RARB: variants seen among roughly 807,000 people sequenced by gnomAD.
The protein encoded by RARB is HBV-activated protein.
A neutral mutation model predicts 51.9 loss-of-function variants in RARB; 17 were observed. The ratio of observed to expected loss-of-function variants is 0.33; its 90% CI spans 0.22 to 0.49. The LOEUF is 0.49. Ranked by LOEUF, RARB falls within the 20% of genes least tolerant of loss-of-function variation. RARB has a pLI of 0.99. For missense variants in RARB, 369 were observed against 550.8 expected (o/e 0.67, Z 3.30); for synonymous variants, 215 against 195.4 (o/e 1.10, Z -0.84).
chr3:25,173,703 C>A (rs1270863542), intron 4 of RARB, among the ~76,000 whole-genome samples: 1 of 152,188 alleles, frequency 6.6e-6, no homozygotes, highest in Non-Finnish European at 1.5e-5. Context: ...CAGGGTCTAT[C>A]CCTTGTCAGG....
chr3:25,556,735 G>A (rs553458226), intron 3 of RARB, among the ~76,000 whole-genome samples: 2 of 152,266 alleles, frequency 1.3e-5, no homozygotes, highest in South Asian at 4.1e-4. Context: ...ACTTAGCACA[G>A]CCAGCACCCC....
At chr3:25,561,370 C>T (rs1700262262) in intron 3 of RARB, among the ~76,000 whole-genome samples, 1 of 152,180 alleles carries the variant, frequency 6.6e-6, no homozygotes. Context: ...ACTCTTTACA[C>T]AGACTGTATT....
In RARB at chr3:24,997,033, CGTCGAATATTGAGA is replaced by C. The variant is rs552877835; in HGVS notation, c.-379-63089_-379-63076del. On this transcript the variant is annotated intron_variant, in intron 2 of 11. Transcript: ENST00000383772. The stretch of plus-strand genomic sequence containing the variant: ...TTGTTGTTTTTCTATCTACACGATC[CGTCGAATATTGAGA>C]GTGGGATATTGAGTTCTCCAGCTAT... Among the ~76,000 whole-genome samples the C allele has an allele frequency of 3.3e-3, 503 of 152,058 alleles. 4 individuals are homozygous for C. Among genetic ancestry groups the C allele is most frequent in the African/African-American group, 0.011 (469 of 41,460 alleles).
chr3:25,302,696 C>A (rs1704069752), intron 5 of RARB, among the ~76,000 whole-genome samples: 2 of 152,124 alleles, frequency 1.3e-5, no homozygotes, highest in Non-Finnish European at 2.9e-5. Flanking sequence ...ATTTGCCCAC[C>A]TTTGTGAATA....
At chr3:25,399,809 G>A (rs1707215983) in intron 5 of RARB, among the ~76,000 whole-genome samples, 1 of 152,188 alleles carries the variant, frequency 6.6e-6, no homozygotes, top group Non-Finnish European at 1.5e-5. Context: ...GGCAGAGACT[G>A]TTGCATATAA....
At chr3:25,382,789 C>T (rs1223494125) in intron 5 of RARB, among the ~76,000 whole-genome samples, 2 of 152,098 alleles carry the variant, frequency 1.3e-5, no homozygotes, top group Non-Finnish European at 2.9e-5. Context: ...ACCCTGGAGG[C>T]AGAGGTTGCA....
chr3:25,262,510 T>C (rs1703025365), intron 5 of RARB, among the ~76,000 whole-genome samples: 1 of 152,210 alleles, frequency 6.6e-6, no homozygotes, highest in Admixed American at 6.5e-5. Context: ...CTGTTGACTT[T>C]GGACATGATC....
chr3:25,489,320 G>C (rs1468033705), intron 2 of RARB, among the ~76,000 whole-genome samples: 1 of 152,078 alleles, frequency 6.6e-6, no homozygotes, highest in Admixed American at 6.6e-5. Context: ...TTGCTAATTT[G>C]GAATAAATCA....
chr3:25,093,214 A>C (rs993397428), intron 3 of RARB, among the ~76,000 whole-genome samples: 1 of 152,200 alleles, frequency 6.6e-6, no homozygotes, highest in Non-Finnish European at 1.5e-5. Context: ...CCAGCATTAT[A>C]TAAAGCTGTC....
In RARB at chr3:24,949,685, A is replaced by C. The variant is rs1171700957; in HGVS notation, c.-380+90933A>C. On this transcript the variant is annotated intron_variant, in intron 2 of 11. Coordinates refer to the RARB transcript ENST00000383772. Reference sequence around the variant, plus strand: ...TCTTGAATCCTTCAATTCTATCTAAAATGCATTCAGATCTTAGCATTCCTG... The same window carrying C: ...TCTTGAATCCTTCAATTCTATCTAACATGCATTCAGATCTTAGCATTCCTG... 5.3e-5 allele frequency among the ~76,000 whole-genome samples: 8 copies of C among 152,182 alleles called. 1 individual carries two copies. Among genetic ancestry groups the C allele is most frequent in the Non-Finnish European group, 1.5e-5 (1 of 68,034 alleles).
Position 25,501,329 on chromosome 3 carries a change from T to C in RARB, c.448+6T>C, listed in dbSNP as rs572731588. ...AGTGGGAATGTCCAAAGAATGTAAG[T>C]GGAGTCTCAAAAAACTTTTTCCCTG... On this transcript the variant is annotated splice_donor_region_variant and intron_variant, in intron 3 of 7. Coordinates refer to ENST00000330688, the MANE Select transcript of RARB (RefSeq NM_000965.5). 3.7e-6 allele frequency: 6 copies of C among 1,607,014 alleles called. No homozygotes were observed. The East Asian group carries it at 9.0e-5, about 24-fold the overall frequency.
chr3:24,919,684 A>G (rs1457053673), intron 2 of RARB, among the ~76,000 whole-genome samples: 2 of 152,240 alleles, frequency 1.3e-5, no homozygotes, highest in East Asian at 3.8e-4. Flanking sequence ...CTTTTTGAAC[A>G]GTTGTTTAGG....
intron 2 of RARB, among the ~76,000 whole-genome samples, chr3:24,920,405 T>C (rs1326513578): frequency 1.3e-5 from 2 of 152,164 alleles, no homozygotes; most frequent in African/African-American, 4.8e-5. Flanking sequence ...AATCTAAATA[T>C]TGTATTAAAA....
At chr3:25,077,220 G>A (rs1408909266) in intron 3 of RARB, among the ~76,000 whole-genome samples, 1 of 152,100 alleles carries the variant, frequency 6.6e-6, no homozygotes, top group Non-Finnish European at 1.5e-5. Flanking sequence ...TTTAAATCAA[G>A]GCATAATAAG....
intron 2 of RARB, chr3:25,024,974 AAGG>A (rs1350542210): frequency 1.3e-5 from 2 of 150,442 alleles, no homozygotes; most frequent in African/African-American, 4.9e-5. Context: ...AAAAAAAAAA[AAGG>A]AAATTTAAAA....
chr3:25,028,171 T>G (rs1319401883), intron 2 of RARB, among the ~76,000 whole-genome samples: 2 of 152,162 alleles, frequency 1.3e-5, no homozygotes, highest in Non-Finnish European at 2.9e-5. Flanking sequence ...ACCAGCAATG[T>G]CTCCTGGAAA....
At chr3:25,426,578 A>C (rs767354617), upstream of RARB, among the ~76,000 whole-genome samples, 14 of 152,246 alleles carry the variant, frequency 9.2e-5, no homozygotes, top group Non-Finnish European at 1.8e-4. Context: ...GCACATTCCA[A>C]CACTATCCAC....
At chr3:25,546,795 ATTTAT>A (rs1173564239) in intron 3 of RARB, among the ~76,000 whole-genome samples, 1 of 152,076 alleles carries the variant, frequency 6.6e-6, no homozygotes, top group Non-Finnish European at 1.5e-5. Flanking sequence ...TAATATTTTT[ATTTAT>A]TTTATTCTGA....
chr3:25,531,297 TG>T (rs942200989), intron 3 of RARB, among the ~76,000 whole-genome samples: 3 of 151,624 alleles, frequency 2.0e-5, no homozygotes, highest in African/African-American at 7.3e-5. Context: ...GATACAAGTG[TG>T]GGTAGTTGGA....
Sources: allele counts gnomAD v4.1 joint callset (sites outside exome capture counted in the v4.1 genomes callset), GRCh38; gene constraint gnomAD v4.1.1; transcripts MANE v1.5; gene names NCBI Gene and HGNC (gene_info 2026-07-23, HGNC 2026-07-21).